The following ATP8B1 variants were observed in gnomAD, a reference collection of about 807,000 sequenced individuals.
ATP8B1 encodes the protein ATPase phospholipid transporting 8B1.
Under a neutral mutation model 149.9 loss-of-function variants are expected in ATP8B1, and 80 were observed. The ratio of observed to expected loss-of-function variants is 0.53; its 90% CI spans 0.45 to 0.64. The LOEUF is 0.64. Ranked by LOEUF, ATP8B1 falls within the 30% of genes least tolerant of loss-of-function variation. The pLI, the probability that ATP8B1 is intolerant of heterozygous loss-of-function variation, is 0.00. For missense variants in ATP8B1, 1,247 were observed against 1,552.6 expected (o/e 0.80, Z 3.31); for synonymous variants, 536 against 562.8 (o/e 0.95, Z 0.67).
At chr18:57,657,235 C>T (rs1910063831) in intron 22 of ATP8B1, among the ~76,000 whole-genome samples, 1 of 150,672 alleles carries the variant, frequency 6.6e-6, no homozygotes, top group Admixed American at 6.8e-5. Flanking sequence ...CCCTCTGGGA[C>T]CTTAAGACAT....
chr18:57,802,767 G>A lies in ATP8B1; in HGVS notation c.-26+231C>T, dbSNP rs903216404. The stretch of plus-strand genomic sequence containing the variant: ...AAAACCCCACGGAACTCTCCGCAGC[G>A]CTGCCTGCCCAGCCGGCCGTGTCTC... On this transcript the variant is annotated intron_variant, in intron 1 of 27. Transcript: ENST00000648908. This position sits in a 1 kb window ranked among gnomAD's most constrained non-coding sequence, Gnocchi z 4.9. 6.6e-6 allele frequency among the ~76,000 whole-genome samples: 1 copy of A among 152,168 alleles called. No homozygotes were observed. Among genetic ancestry groups the A allele is most frequent in the Non-Finnish European group, 1.5e-5 (1 of 68,028 alleles).
In ATP8B1 at chr18:57,725,921, A is replaced by T. The variant is rs202193045; in HGVS notation, c.181+5706T>A. 1.2e-4 allele frequency among the ~76,000 whole-genome samples: 19 copies of T among 152,336 alleles called. 1 individual carries two copies. In the East Asian group the frequency reaches 3.7e-3, roughly 29 times the overall value. ...CTTAAATCTAAGACCTCAAACTATG[A>T]AACTACTCCAAGAAAACCCTGGGGA... On this transcript the variant is annotated intron_variant, in intron 2 of 27. Coordinates refer to ENST00000648908, the MANE Select transcript of ATP8B1 (RefSeq NM_001374385.1).
At chr18:57,694,763 C>T (rs1912717747) in intron 10 of ATP8B1, 93 bp from the exon 11 acceptor site, 3 of 912,176 alleles carry the variant, frequency 3.3e-6, no homozygotes, top group South Asian at 2.8e-5. Flanking sequence ...GGCATGGTGG[C>T]TTACGCCTGT....
At chr18:57,775,144 G>A (rs1344315927) in intron 1 of ATP8B1, among the ~76,000 whole-genome samples, 7 of 152,080 alleles carry the variant, frequency 4.6e-5, no homozygotes, top group Non-Finnish European at 4.4e-5. Context: ...GTGAAACCCC[G>A]TCTCTACAAA....
chr18:57,739,204 G>T (rs1486100486), intron 1 of ATP8B1, among the ~76,000 whole-genome samples: 2 of 152,024 alleles, frequency 1.3e-5, no homozygotes, highest in African/African-American at 4.8e-5. Context: ...CTCCTTGTTG[G>T]TCAGGCTGGT....
Position 57,674,932 on chromosome 18 carries a change from T to C in ATP8B1, c.1721A>G (p.Gln574Arg). The change falls in exon 16 of 28, where the codon CAG becomes CGG. Residue 574 changes from glutamine to arginine, a missense_variant. Gln to Arg is a conservative substitution (Grantham distance 43). Coordinates refer to ENST00000648908, the MANE Select transcript of ATP8B1 (RefSeq NM_001374385.1). ...NFGFAFLART[Q>R]NTITISELGT... ...CAGTTCACTGATGGTGATGGTGTTC[T>C]GGGTCCTGGCGAGGAAGGCAAAGCC... The C allele has an allele frequency of 6.2e-7, 1 of 1,614,268 alleles. No homozygotes were observed. The highest frequency in any genetic ancestry group is 8.5e-7 in the Non-Finnish European group (1 of 1,180,048).
intron 19 of ATP8B1, 124 bp from the exon 20 acceptor site, chr18:57,667,291 C>T: frequency 1.3e-6 from 1 of 775,694 alleles, no homozygotes; most frequent in Non-Finnish European, 2.2e-6. Flanking sequence ...AATCTCTGCT[C>T]ACTACAGCCT....
intron 2 of ATP8B1, among the ~76,000 whole-genome samples, chr18:57,723,769 C>CA (rs2079674987): frequency 6.9e-6 from 1 of 144,596 alleles, no homozygotes; most frequent in African/African-American, 2.6e-5. Flanking sequence ...CATATGGAAC[C>CA]AAAAAAGAGC....
intron 21 of ATP8B1, among the ~76,000 whole-genome samples, chr18:57,661,723 T>A (rs1384226462): frequency 2.0e-4 from 27 of 137,696 alleles, no homozygotes; most frequent in Admixed American, 9.5e-4. Context: ...ATTTTTTTTT[T>A]TTTTTTTTTT....
In ATP8B1 at chr18:57,652,565, C is replaced by T. The variant is rs759303818; in HGVS notation, c.3180G>A (p.Gly1060=). Residue 1060 remains glycine, a synonymous_variant, in exon 25 of 28, where the codon GGG becomes GGA. Coordinates refer to ENST00000648908, the MANE Select transcript of ATP8B1 (RefSeq NM_001374385.1). Reference sequence around the variant, plus strand: ...AGTCGGAAGGTGCCTCTCCATCCTGCCCTACGGTTTGCAGATAAGCTCCAA... The same window carrying T: ...AGTCGGAAGGTGCCTCTCCATCCTGTCCTACGGTTTGCAGATAAGCTCCAA... The part of the protein sequence containing the change: ...IPLGAYLQTV[G]QDGEAPSDYQ... The T allele has an allele frequency of 1.2e-6, 2 of 1,614,112 alleles. No individual in the cohort carries two copies. The highest frequency in any genetic ancestry group is 1.7e-6 in the Non-Finnish European group (2 of 1,180,026).
chr18:57,789,113 A>G (rs546133135), intron 1 of ATP8B1, among the ~76,000 whole-genome samples: 13 of 152,338 alleles, frequency 8.5e-5, no homozygotes, highest in African/African-American at 3.1e-4. Context: ...TATATCTGAC[A>G]TTAACATAAA....
intron 1 of ATP8B1, among the ~76,000 whole-genome samples, chr18:57,751,454 GAA>G (rs371060012): frequency 1.4e-4 from 19 of 135,274 alleles, no homozygotes; most frequent in East Asian, 2.2e-4. Flanking sequence ...ATGCTGTCTT[GAA>G]AAAAAAAAAA....
At position 57,667,184 on chromosome 18, in the gene ATP8B1, T is replaced by G; in HGVS notation, c.2210-17A>C. 1 of 1,578,444 alleles carries G rather than the reference T, an allele frequency of 6.3e-7. No homozygotes were observed. Among genetic ancestry groups the G allele is most frequent in the Non-Finnish European group, 8.7e-7 (1 of 1,147,728 alleles). ...CAGCAGTTTCTACAATAGAATAAAA[T>G]TAAGTCAAATGTCATTCCTGCTGTT... is the stretch of plus-strand genomic sequence containing the variant. On this transcript the variant is annotated splice_polypyrimidine_tract_variant and intron_variant, in intron 19 of 27. Transcript: ENST00000648908.
intron 2 of ATP8B1, among the ~76,000 whole-genome samples, chr18:57,707,092 G>A (rs977139215): frequency 6.6e-6 from 1 of 152,170 alleles, no homozygotes; most frequent in African/African-American, 2.4e-5. Flanking sequence ...GAATCACGAG[G>A]TCAGGAGTTC....
chr18:57,676,409 T>TAA (rs35902795), intron 15 of ATP8B1, among the ~76,000 whole-genome samples: 3 of 143,266 alleles, frequency 2.1e-5, no homozygotes, highest in South Asian at 2.2e-4. Flanking sequence ...TTCTCCTTAT[T>TAA]AAAAAAAAAA....
chr18:57,733,624 T>A (rs1239992720), intron 1 of ATP8B1, among the ~76,000 whole-genome samples: 3 of 147,334 alleles, frequency 2.0e-5, no homozygotes, highest in Non-Finnish European at 4.4e-5. Flanking sequence ...GAGAATGGCG[T>A]GAACCCGGGA....
intron 1 of ATP8B1, among the ~76,000 whole-genome samples, chr18:57,770,334 A>G (rs554125335): frequency 2.6e-5 from 4 of 152,290 alleles, no homozygotes; most frequent in East Asian, 1.9e-4. Flanking sequence ...ACCGCAGTCC[A>G]ATATTTCACA....
chr18:57,693,898 G>C (rs952106105), intron 11 of ATP8B1, among the ~76,000 whole-genome samples: 1 of 152,116 alleles, frequency 6.6e-6, no homozygotes, highest in Non-Finnish European at 1.5e-5. Context: ...ATTAATTGCT[G>C]CTGGGAGAAT....
intron 15 of ATP8B1, among the ~76,000 whole-genome samples, chr18:57,675,616 C>G (rs1437804752): frequency 6.6e-6 from 1 of 152,160 alleles, no homozygotes; most frequent in Non-Finnish European, 1.5e-5. Context: ...CCAGGCTGCT[C>G]TTGATCTCCG....
Sources: allele counts gnomAD v4.1 joint callset (sites outside exome capture counted in the v4.1 genomes callset), GRCh38; gene constraint gnomAD v4.1.1; non-coding constraint Gnocchi (gnomAD v3.1); transcripts MANE v1.5; gene names NCBI Gene and HGNC (gene_info 2026-07-23, HGNC 2026-07-21).